FOXP1: variants seen among roughly 807,000 people sequenced by gnomAD.
The protein encoded by FOXP1 is forkhead box protein P1.
Under a neutral mutation model 98.2 loss-of-function variants are expected in FOXP1, and 15 were observed. The ratio of observed to expected loss-of-function variants is 0.15; its 90% CI spans 0.10 to 0.24. FOXP1 has a LOEUF of 0.24. Among genes scored for constraint, FOXP1 ranks in the 10% least tolerant of loss-of-function variants. The pLI is 1.00. For synonymous variants in FOXP1, 371 were observed against 314.5 expected, an observed-to-expected ratio of 1.18 and a Z score of -1.90; for missense variants, 633 against 848.5, an observed-to-expected ratio of 0.75 and a Z score of 3.15.
intron 2 of FOXP1, chr3:71,567,752 T>A (rs1431264165): frequency 6.6e-6 from 1 of 152,048 alleles, no homozygotes; most frequent in Non-Finnish European, 1.5e-5. Flanking sequence ...AAGAATCTCC[T>A]TATTTAACAA....
chr3:71,064,958 C>G (rs2052211577), intron 7 of FOXP1: 1 of 191,300 alleles, frequency 5.2e-6, no homozygotes, highest in Non-Finnish European at 9.3e-6. Flanking sequence ...CGCGGGCTGA[C>G]AAGACGCGCC....
intron 6 of FOXP1, among the ~76,000 whole-genome samples, chr3:71,182,768 C>A (rs550896500): frequency 6.6e-6 from 1 of 151,988 alleles, no homozygotes; most frequent in East Asian, 1.9e-4. Context: ...TGATCTCGAA[C>A]TCCTGAGCTC....
intron 7 of FOXP1, chr3:71,064,907 G>A (rs1294867921): frequency 6.1e-6 from 4 of 660,056 alleles, no homozygotes; most frequent in African/African-American, 2.0e-5. Context: ...CGGCGGCCTC[G>A]GCGTGCAGGC....
intron 11 of FOXP1, among the ~76,000 whole-genome samples, chr3:71,033,602 C>CAAAAAAAAAAAAA (rs35470748): frequency 1.4e-4 from 10 of 70,682 alleles, no homozygotes; most frequent in East Asian, 5.0e-4. Flanking sequence ...AGTGAACAGT[C>CAAAAAAAAAAAAA]AAAAAAAAAA....
At chr3:71,188,180 G>A (rs976365990) in intron 6 of FOXP1, among the ~76,000 whole-genome samples, 8 of 152,126 alleles carry the variant, frequency 5.3e-5, no homozygotes, top group South Asian at 2.1e-4. Context: ...CCTCTACTAG[G>A]AAGAGGTATA....
chr3:71,354,290 AAG>A (rs549630073), intron 4 of FOXP1, among the ~76,000 whole-genome samples: 274 of 152,158 alleles, frequency 1.8e-3, no homozygotes, highest in African/African-American at 6.3e-3. Flanking sequence ...GAAAAAAAAA[AAG>A]AGAGAGAGAA....
chr3:71,550,822 T>C (rs1484879877), intron 2 of FOXP1, among the ~76,000 whole-genome samples: 2 of 152,182 alleles, frequency 1.3e-5, no homozygotes, highest in Non-Finnish European at 2.9e-5. Flanking sequence ...CTCCGCAGCA[T>C]ACAGCTGAGG....
intron 3 of FOXP1, among the ~76,000 whole-genome samples, chr3:71,453,111 C>T (rs573939755): frequency 1.3e-3 from 202 of 152,284 alleles, no homozygotes; most frequent in Middle Eastern, 3.4e-3. Flanking sequence ...TGTAATACAG[C>T]TTACCTCGCA....
At chr3:71,458,260 A>G (rs1194280438) in intron 3 of FOXP1, among the ~76,000 whole-genome samples, 1 of 152,182 alleles carries the variant, frequency 6.6e-6, no homozygotes, top group Non-Finnish European at 1.5e-5. Flanking sequence ...GAATGCCAAC[A>G]TTTTTGTTTA....
chr3:71,366,648 G>A (rs2078949066), intron 3 of FOXP1, among the ~76,000 whole-genome samples: 1 of 152,058 alleles, frequency 6.6e-6, no homozygotes, highest in South Asian at 2.1e-4. Flanking sequence ...TTTAAAAAAA[G>A]AAGAAACATT....
chr3:71,230,743 T>C (rs2066220675), intron 5 of FOXP1, among the ~76,000 whole-genome samples: 1 of 152,170 alleles, frequency 6.6e-6, no homozygotes, highest in African/African-American at 2.4e-5. Flanking sequence ...GAGAAAACTC[T>C]ACACATGTTT....
intron 3 of FOXP1, among the ~76,000 whole-genome samples, chr3:71,420,702 T>C (rs1283589605): frequency 2.6e-5 from 4 of 151,356 alleles, no homozygotes. Context: ...TGAGTTTCTA[T>C]CCTTTTTTTT....
chr3:71,557,777 C>T (rs549917564), intron 2 of FOXP1, among the ~76,000 whole-genome samples: 7 of 152,328 alleles, frequency 4.6e-5, no homozygotes, highest in African/African-American at 1.4e-4. Flanking sequence ...TGCTTCCCCA[C>T]CCACAGGGCC....
intron 7 of FOXP1, among the ~76,000 whole-genome samples, chr3:71,085,715 T>C (rs1250431551): frequency 1.3e-5 from 2 of 149,984 alleles, no homozygotes; most frequent in African/African-American, 2.4e-5. Flanking sequence ...GGTTCTTGTA[T>C]GGTGGGTATC....
At chr3:71,430,313 G>A (rs1390167939) in intron 3 of FOXP1, among the ~76,000 whole-genome samples, 1 of 152,142 alleles carries the variant, frequency 6.6e-6, no homozygotes, top group Non-Finnish European at 1.5e-5. Context: ...ATGAGCAGGC[G>A]CAAATCTGGT....
At chr3:71,219,627 T>C (rs902863305) in intron 5 of FOXP1, among the ~76,000 whole-genome samples, 8 of 152,166 alleles carry the variant, frequency 5.3e-5, no homozygotes, top group Non-Finnish European at 8.8e-5. Flanking sequence ...AAGAAGAAAA[T>C]GAAAAATGTG....
intron 3 of FOXP1, among the ~76,000 whole-genome samples, chr3:71,421,623 T>C (rs1287164163): frequency 6.6e-6 from 1 of 152,072 alleles, no homozygotes; most frequent in Non-Finnish European, 1.5e-5. Context: ...CCCAGCCGAC[T>C]CAGGACAGAG....
At chr3:71,478,783 G>A (rs1055334955) in intron 3 of FOXP1, among the ~76,000 whole-genome samples, 9 of 152,320 alleles carry the variant, frequency 5.9e-5, no homozygotes, top group Middle Eastern at 3.4e-3. Flanking sequence ...CCAATGTGTC[G>A]TGTGACATGG....
At position 70,955,291 on chromosome 3, in the gene FOXP1, T is replaced by C. The variant is rs2031505449; in HGVS notation, c.*3956A>G. The stretch of plus-strand genomic sequence containing the variant: ...GTTAAGAATCCAAGGTTTTCTTTAC[T>C]AGGTCTGACTGGATGCTGGGGATGG... On this transcript the variant is annotated 3_prime_UTR_variant, in exon 21 of 21. Coordinates refer to ENST00000649528, the MANE Select transcript of FOXP1 (RefSeq NM_001349338.3). The C allele has an allele frequency of 4.3e-6, 1 of 232,894 alleles. No homozygotes were observed. The highest frequency in any genetic ancestry group is 1.8e-4 in the South Asian group (1 of 5,528). 14.4% of individuals were successfully genotyped at this position (232,894 alleles called of 1,614,324 possible).
Sources: allele counts gnomAD v4.1 joint callset (sites outside exome capture counted in the v4.1 genomes callset), GRCh38; gene constraint gnomAD v4.1.1; transcripts MANE v1.5; gene names NCBI Gene and HGNC (gene_info 2026-07-23, HGNC 2026-07-21).